ELL: variants seen among roughly 807,000 people sequenced by gnomAD.
ELL encodes elongation factor for RNA polymerase II.
A neutral mutation model predicts 64.0 loss-of-function variants in ELL; 18 were observed. That is an observed-to-expected ratio of 0.28 (90% CI 0.19 to 0.42). The LOEUF (loss-of-function observed/expected upper bound fraction) is 0.42, where lower values mean the gene tolerates loss of function less well. ELL is among the 10% of genes least tolerant of loss of function. ELL has a pLI of 1.00. For synonymous variants in ELL, 399 were observed against 376.2 expected (o/e 1.06, Z -0.70); for missense variants, 797 against 870.4 (o/e 0.92, Z 1.06).
intron 1 of ELL, among the ~76,000 whole-genome samples, chr19:18,494,517 A>G (rs1359925970): frequency 6.6e-6 from 1 of 151,958 alleles, no homozygotes; most frequent in Non-Finnish European, 1.5e-5. Flanking sequence ...CAGCCTCCCA[A>G]GTAGCTGGGA....
In ELL at chr19:18,462,371, G is replaced by GTGTGT. The variant is rs1321676465; in HGVS notation, c.470-520_470-519insACACA. ...TGTGTGTGTGTGTGTGTGTTTGGGC[G>GTGTGT]GGGGGCGGGGGGGGAAGGATTGTTT... On this transcript the variant is annotated intron_variant, in intron 4 of 11. Transcript: ENST00000262809. Among the ~76,000 whole-genome samples the GTGTGT allele has an allele frequency of 2.1e-3, 161 of 76,358 alleles. 5 individuals carry two copies. The highest frequency in any genetic ancestry group is 3.3e-3 in the African/African-American group (47 of 14,410). The allele number at this position is 76,358 out of a possible 152,430, so 50.1% of individuals were successfully genotyped here.
At chr19:18,486,446 C>T (rs139797925) in intron 1 of ELL, among the ~76,000 whole-genome samples, 1 of 152,164 alleles carries the variant, frequency 6.6e-6, no homozygotes, top group Non-Finnish European at 1.5e-5. Flanking sequence ...GAGATGGCAG[C>T]TTGCCAAGCT....
chr19:18,460,172 C>G (rs148501338), intron 5 of ELL, among the ~76,000 whole-genome samples: 3,322 of 152,038 alleles, frequency 0.022, 46 homozygotes, highest in Non-Finnish European at 0.033. Context: ...AGTTTTGTCA[C>G]TGCCATTCCT....
intron 2 of ELL, chr19:18,472,556 C>A: frequency 2.2e-6 from 1 of 446,126 alleles, no homozygotes; most frequent in South Asian, 4.2e-5. Flanking sequence ...GGGGCCCCTG[C>A]CCTATCAGAG....
chr19:18,461,535 G>T, intron 5 of ELL, 43 bp downstream of exon 5: 1 of 1,560,078 alleles, frequency 6.4e-7, no homozygotes, highest in Non-Finnish European at 8.6e-7. Context: ...AAGACCATCT[G>T]CGGAGACCAC....
rs969551504 is a variant in ELL, at chr19:18,473,450, A to C, written c.136-568T>G. ...GTGGGTGAGCACTGTCTATCAGAGC[A>C]GGTGCGGTGGGGCCACCTTGGAGCC... is the stretch of plus-strand genomic sequence containing the variant. On this transcript the variant is annotated intron_variant, in intron 1 of 11. Transcript: ENST00000262809. Among the ~76,000 whole-genome samples the C allele has an allele frequency of 2.4e-4, 36 of 152,348 alleles. 1 individual carries two copies. Among genetic ancestry groups the C allele is most frequent in the Admixed American group, 2.0e-3 (31 of 15,310 alleles).
intron 1 of ELL, among the ~76,000 whole-genome samples, chr19:18,508,700 T>C (rs1347688511): frequency 1.3e-5 from 2 of 152,162 alleles, no homozygotes; most frequent in African/African-American, 4.8e-5. Flanking sequence ...GGCCAAAGAG[T>C]TGGTATTTCA....
At chr19:18,463,738 G>A (rs1974879569) in intron 4 of ELL, among the ~76,000 whole-genome samples, 1 of 151,956 alleles carries the variant, frequency 6.6e-6, no homozygotes, top group African/African-American at 2.4e-5. Flanking sequence ...CAGCACTTTG[G>A]GATGCTGAGG....
chr19:18,478,129 G>A (rs1009599262), intron 1 of ELL, among the ~76,000 whole-genome samples: 20 of 152,166 alleles, frequency 1.3e-4, no homozygotes, highest in Non-Finnish European at 2.5e-4. Context: ...GGCCTGGTGG[G>A]GACGCCTGAC....
rs370692490 is a variant in ELL, at chr19:18,517,656, T to C, written c.135+4265A>G. ...CAGGAGGATCCCTTAAGCCCAGGAG[T>C]TCAAGACCAGCTTAGGCAAAATGGG... On this transcript the variant is annotated intron_variant, in intron 1 of 11. Transcript: ENST00000262809. Among the ~76,000 whole-genome samples, 178 of 148,832 alleles carry C rather than the reference T, an allele frequency of 1.2e-3. 2 individuals carry two copies. In the South Asian group the frequency reaches 0.015, roughly 13 times the overall value.
intron 5 of ELL, among the ~76,000 whole-genome samples, chr19:18,459,358 T>A (rs916609620): frequency 9.9e-5 from 15 of 152,212 alleles, no homozygotes; most frequent in African/African-American, 3.6e-4. Flanking sequence ...ATTCAGAACG[T>A]CTGCCTTAGA....
chr19:18,515,711 T>C (rs1263333243), intron 1 of ELL, among the ~76,000 whole-genome samples: 4 of 152,156 alleles, frequency 2.6e-5, no homozygotes, highest in African/African-American at 9.7e-5. Flanking sequence ...GGTTCGGGCC[T>C]CTTGGGGACG....
At chr19:18,499,396 A>G (rs979832089) in intron 1 of ELL, among the ~76,000 whole-genome samples, 2 of 152,224 alleles carry the variant, frequency 1.3e-5, no homozygotes, top group African/African-American at 4.8e-5. Flanking sequence ...ACAACATATT[A>G]ACAGCACAAA....
chr19:18,466,956 G>A (rs1356467893), intron 2 of ELL, among the ~76,000 whole-genome samples: 2 of 152,160 alleles, frequency 1.3e-5, no homozygotes, highest in Non-Finnish European at 2.9e-5. Flanking sequence ...TGCCTCATAC[G>A]CCCATGGGAG....
intron 10 of ELL, among the ~76,000 whole-genome samples, chr19:18,445,685 C>T (rs1296154926): frequency 6.6e-6 from 1 of 152,106 alleles, no homozygotes; most frequent in Non-Finnish European, 1.5e-5. Flanking sequence ...CAGGAGAGAC[C>T]CCGGCATCTG....
rs531438427 is a variant in ELL, at chr19:18,462,666, G to C, written c.470-814C>G. Among the ~76,000 whole-genome samples, 4 of 152,236 alleles carry C rather than the reference G, an allele frequency of 2.6e-5. No homozygotes were observed. The South Asian group carries it at 8.3e-4, about 32-fold the overall frequency. On this transcript the variant is annotated intron_variant, in intron 4 of 11. Transcript: ENST00000262809. ...CAAAGTGCTGGTATTATAAACCAGA[G>C]CCATCCTGCCCAACCTGAGGCAGGG... is the stretch of plus-strand genomic sequence containing the variant.
chr19:18,497,859 T>C (rs1202162658), intron 1 of ELL, among the ~76,000 whole-genome samples: 4 of 146,344 alleles, frequency 2.7e-5, no homozygotes, highest in African/African-American at 2.5e-5. Flanking sequence ...CCAGATGTGA[T>C]GGCTCATGCC....
intron 6 of ELL, among the ~76,000 whole-genome samples, chr19:18,457,001 GT>G (rs1974694331): frequency 1.3e-5 from 2 of 151,906 alleles, no homozygotes; most frequent in African/African-American, 4.8e-5. Context: ...GGCACCGCAG[GT>G]CACCTTCTAT....
rs533044353 is a variant in ELL at position 18,444,007 on chromosome 19, C to T, written c.*745G>A. The T allele has an allele frequency of 6.9e-5, 16 of 232,286 alleles. No homozygotes were observed. The highest frequency in any genetic ancestry group is 5.5e-4 in the East Asian group (9 of 16,452). 14.4% of individuals were successfully genotyped at this position (232,286 alleles called of 1,614,324 possible). A position where few individuals can be genotyped will look rare whatever the true frequency, so the allele number is the denominator to read the frequency against. On this transcript the variant is annotated 3_prime_UTR_variant, in exon 12 of 12. Coordinates refer to ENST00000262809, the MANE Select transcript of ELL (RefSeq NM_006532.4). Reference sequence around the variant, plus strand: ...TGGAGCACAGAAACACAGTGGCCCCCGACAGCTGAGGGCCTGAAATAGCAG... The same window carrying T: ...TGGAGCACAGAAACACAGTGGCCCCTGACAGCTGAGGGCCTGAAATAGCAG...
Sources: allele counts gnomAD v4.1 joint callset (sites outside exome capture counted in the v4.1 genomes callset), GRCh38; gene constraint gnomAD v4.1.1; transcripts MANE v1.5; gene names NCBI Gene and HGNC (gene_info 2026-07-23, HGNC 2026-07-21).